The following ZKSCAN7 variants were observed in gnomAD, a reference collection of about 807,000 sequenced individuals.
The protein encoded by ZKSCAN7 is zinc finger protein with KRAB and SCAN domains 7.
Under a neutral mutation model 65.3 loss-of-function variants are expected in ZKSCAN7, and 38 were observed. That is an observed-to-expected ratio of 0.58 (90% CI 0.45 to 0.76). ZKSCAN7 has a LOEUF of 0.76. Among genes scored for constraint, ZKSCAN7 ranks in the 30% least tolerant of loss-of-function variants. The pLI is 0.00. For missense variants in ZKSCAN7, 815 were observed against 913.3 expected (o/e 0.89, Z 1.39); for synonymous variants, 321 against 321.0 (o/e 1.00, Z 0.00).
chr3:44,558,387 G>A (rs1375813585), intron 2 of ZKSCAN7, among the ~76,000 whole-genome samples: 1 of 151,936 alleles, frequency 6.6e-6, no homozygotes, highest in Non-Finnish European at 1.5e-5. Flanking sequence ...TTGCTAGGTA[G>A]GGTGGCATAT....
intron 5 of ZKSCAN7, among the ~76,000 whole-genome samples, chr3:44,577,431 A>C (rs1007271801): frequency 3.3e-5 from 5 of 152,162 alleles, no homozygotes; most frequent in African/African-American, 1.2e-4. Flanking sequence ...AAGGCAGTGC[A>C]CTTTCTCCTC....
Position 44,565,639 on chromosome 3 carries a change from C to T in ZKSCAN7, c.576C>T (p.Leu192=), listed in dbSNP as rs770339274. Residue 192 remains leucine (L), a synonymous_variant, in exon 3 of 6, where the codon CTC becomes CTT. Transcript: ENST00000426540. ...CTTATGACCCAGGGACACACCACCT[C>T]CCCAGTGGGGACTTCGGTACTTATC... ...EPPYDPGTHH[L]PSGDFAQCTS... 6.2e-7 allele frequency: 1 copy of T among 1,601,730 alleles called. No individual in the cohort carries two copies. The highest frequency in any genetic ancestry group is 8.5e-7 in the Non-Finnish European group (1 of 1,174,808).
At position 44,580,940 on chromosome 3, in the gene ZKSCAN7, G is replaced by A. The variant is rs1183768567; in HGVS notation, c.812-2032G>A. ...CCTCGTCGTTGAGGAGATGCGACTC[G>A]CGGGGCTGGAAGCAGTTCTGACACT... On this transcript the variant is annotated intron_variant, in intron 5 of 5. Coordinates refer to the ZKSCAN7 transcript ENST00000341840. The A allele has an allele frequency of 2.2e-5, 36 of 1,612,562 alleles. 1 individual carries two copies. Among genetic ancestry groups the A allele is most frequent in the South Asian group, 2.2e-4 (20 of 91,016 alleles).
At chr3:44,562,908 T>G (rs1056754861) in intron 2 of ZKSCAN7, among the ~76,000 whole-genome samples, 6 of 151,952 alleles carry the variant, frequency 3.9e-5, no homozygotes, top group Non-Finnish European at 8.8e-5. Flanking sequence ...AGGCGGAGCT[T>G]GCAGTGAGCC....
chr3:44,555,582 A>T (rs1239451197), intron 1 of ZKSCAN7, 101 bp downstream of exon 1: 3 of 152,248 alleles, frequency 2.0e-5, no homozygotes, highest in African/African-American at 7.2e-5. Context: ...TTTGGGTCAG[A>T]CCCAGGCTCA....
chr3:44,572,158 A>G lies in ZKSCAN7; in HGVS notation c.*783A>G, dbSNP rs1284077475. The G allele has an allele frequency of 3.0e-6, 3 of 985,266 alleles. No individual in the cohort carries two copies. 61.0% of individuals were successfully genotyped at this position (985,266 alleles called of 1,614,324 possible). On this transcript the variant is annotated 3_prime_UTR_variant, in exon 6 of 6. Transcript: ENST00000426540. Reference sequence around the variant, plus strand: ...TTAAATAAATAATTTTTAAAATCTCAGCTCTCACATTGAATTATCCTTAAA... The same window carrying G: ...TTAAATAAATAATTTTTAAAATCTCGGCTCTCACATTGAATTATCCTTAAA...
chr3:44,570,940 C>T lies in ZKSCAN7; in HGVS notation c.1830C>T (p.Ser610=), dbSNP rs768404955. Residue 610 remains serine (S), a synonymous_variant, in exon 6 of 6, where the codon AGC becomes AGT. Transcript: ENST00000426540. ...CTGGAGAAAAACCTTTTGAATGTAGCGAGTGTGGTAAGGCATTTGGTCTGA... is the reference window on the plus strand; with the variant it reads ...CTGGAGAAAAACCTTTTGAATGTAGTGAGTGTGGTAAGGCATTTGGTCTGA... ...IHTGEKPFEC[S]ECGKAFGLSK... 1.3e-4 allele frequency: 205 copies of T among 1,613,838 alleles called. No individual in the cohort carries two copies. Among genetic ancestry groups the T allele is most frequent in the Middle Eastern group, 1.6e-4 (1 of 6,084 alleles).
chr3:44,576,052 T>C (rs1040905124), downstream of ZKSCAN7, among the ~76,000 whole-genome samples: 1 of 152,156 alleles, frequency 6.6e-6, no homozygotes, highest in African/African-American at 2.4e-5. Flanking sequence ...GATATATATA[T>C]AATTTTTTTC....
chr3:44,581,706 G>A (rs1367956422), intron 5 of ZKSCAN7, among the ~76,000 whole-genome samples: 1 of 152,172 alleles, frequency 6.6e-6, no homozygotes, highest in Non-Finnish European at 1.5e-5. Flanking sequence ...GACAGTTTAG[G>A]TGGTGGTCAG....
chr3:44,571,060 T>C lies in ZKSCAN7; in HGVS notation c.1950T>C (p.Leu650=), dbSNP rs923059537. 3 of 1,614,086 alleles carry C rather than the reference T, an allele frequency of 1.9e-6. No homozygotes were observed. The highest frequency in any genetic ancestry group is 3.3e-5 in the Admixed American group (2 of 60,020). The part of the protein sequence containing the change: ...CGKSFNQNSH[L]IIHQRIHTGE... ...AATCCTTCAATCAAAACTCACACCT[T>C]ATTATACACCAGAGAATTCACACTG... is the stretch of plus-strand genomic sequence containing the variant. Residue 650 remains leucine, a synonymous_variant, in exon 6 of 6, where the codon CTT becomes CTC. Transcript: ENST00000426540.
intron 5 of ZKSCAN7, among the ~76,000 whole-genome samples, chr3:44,581,319 C>T (rs1212916465): frequency 1.3e-5 from 2 of 150,874 alleles, no homozygotes; most frequent in Admixed American, 6.6e-5. Flanking sequence ...AAGCTCCGGT[C>T]GCCGCCGTCC....
chr3:44,559,069 G>A (rs1476322326), intron 2 of ZKSCAN7, among the ~76,000 whole-genome samples: 2 of 151,830 alleles, frequency 1.3e-5, no homozygotes, highest in South Asian at 4.2e-4. Flanking sequence ...GAGCTACCAC[G>A]CCTGGCCTGG....
Position 44,570,950 on chromosome 3 carries a change from A to G in ZKSCAN7, c.1840A>G (p.Lys614Glu), listed in dbSNP as rs1213759262. 1.2e-6 allele frequency: 2 copies of G among 1,614,062 alleles called. No individual in the cohort carries two copies. Among genetic ancestry groups the G allele is most frequent in the Non-Finnish European group, 1.7e-6 (2 of 1,180,030 alleles). The change falls in exon 6 of 6, where the codon AAG (lysine) becomes GAG (glutamate). Residue 614 changes from lysine to glutamate, a missense_variant. By Grantham distance (56) the Lys-to-Glu change is moderately conservative. This residue lies in a region of ZKSCAN7 where 578 missense variants were observed against 629.5 expected (regional missense o/e 0.92). Coordinates refer to ENST00000426540, the MANE Select transcript of ZKSCAN7 (RefSeq NM_001288590.2). Reference protein sequence around the residue: ...EKPFECSECGKAFGLSKCLIR... With the variant: ...EKPFECSECGEAFGLSKCLIR... ...ACCTTTTGAATGTAGCGAGTGTGGT[A>G]AGGCATTTGGTCTGAGTAAATGTCT...
downstream of ZKSCAN7, among the ~76,000 whole-genome samples, chr3:44,574,766 T>C (rs565832507): frequency 7.2e-4 from 106 of 147,652 alleles, 1 homozygote; most frequent in Non-Finnish European, 1.3e-3. Context: ...CCCATCTCTA[T>C]TAAAAATATA....
In ZKSCAN7 at chr3:44,560,116, C is replaced by CT. The variant is rs140841231; in HGVS notation, c.423+2647dup. Among the ~76,000 whole-genome samples the CT allele has an allele frequency of 1.3e-3, 192 of 152,302 alleles. 1 individual carries two copies. Among genetic ancestry groups the CT allele is most frequent in the African/African-American group, 4.4e-3 (181 of 41,562 alleles). On this transcript the variant is annotated intron_variant, in intron 2 of 5. Transcript: ENST00000426540. ...GTTGAGTCACAACCCAAGAAAATGACTAACAGTAGACAGTGAGGCAGCTGA... is the reference window on the plus strand; with the variant it reads ...GTTGAGTCACAACCCAAGAAAATGACTTAACAGTAGACAGTGAGGCAGCTGA...
chr3:44,579,438 C>T (rs1253259058), intron 5 of ZKSCAN7, among the ~76,000 whole-genome samples: 1 of 152,210 alleles, frequency 6.6e-6, no homozygotes, highest in Non-Finnish European at 1.5e-5. Context: ...CGCCTCCGCT[C>T]CCACGTGCGG....
rs148767433 is a variant in ZKSCAN7, at chr3:44,571,301, C to T, written c.2191C>T (p.Arg731Cys). Reference sequence around the variant, plus strand: ...TGAATGTGGGAAAGCCTTTAGTCAGCGTTCCACTTTTAATCACCACCAGCG... The same window carrying T: ...TGAATGTGGGAAAGCCTTTAGTCAGTGTTCCACTTTTAATCACCACCAGCG... The part of the protein sequence containing the change: ...CSECGKAFSQ[R>C]STFNHHQRTH... Residue 731 changes from arginine to cysteine, a missense_variant, in exon 6 of 6, where the codon CGT becomes TGT. Physicochemically the swap from Arg to Cys is radical, Grantham distance 180. This residue lies in a region of ZKSCAN7 where 578 missense variants were observed against 629.5 expected (regional missense o/e 0.92). Transcript: ENST00000426540. 29 of 1,614,072 alleles carry T rather than the reference C, an allele frequency of 1.8e-5. No homozygotes were observed. The African/African-American group carries it at 2.8e-4, about 16-fold the overall frequency.
rs780648304 is a variant in ZKSCAN7 at position 44,557,149 on chromosome 3, G to T, written c.102G>T (p.Gln34His). 1 of 1,614,246 alleles carries T rather than the reference G, an allele frequency of 6.2e-7. No homozygotes were observed. ...CTGTGAAGCAGGAGCCAGCAAACCA[G>T]ACCTGGGGGCAGGGCAGCAGTCTCC... ...RLTVKQEPAN[Q>H]TWGQGSSLQK... Residue 34 changes from glutamine (Q) to histidine (H), a missense_variant, in exon 2 of 6, where the codon CAG (glutamine) becomes CAT (histidine). Physicochemically the swap from Gln to His is conservative, Grantham distance 24 (BLOSUM62 0). This residue lies in a region of ZKSCAN7 where 227 missense variants were observed against 253.3 expected (regional missense o/e 0.90). Transcript: ENST00000426540.
intron 5 of ZKSCAN7, 107 bp downstream of exon 5, chr3:44,568,540 T>C: frequency 2.0e-6 from 3 of 1,491,832 alleles, no homozygotes; most frequent in South Asian, 1.4e-5. Flanking sequence ...CAAACATAGT[T>C]AAACTAGAGT....
Sources: gnomAD v4.1 joint callset for allele counts (sites outside exome capture counted in the v4.1 genomes callset) on GRCh38, gnomAD v4.1.1 for gene constraint, gnomAD v4.1.1 regional missense constraint, MANE v1.5 for transcripts, NCBI Gene and HGNC (gene_info 2026-07-23, HGNC 2026-07-21) for gene names.